CA10: variants seen among roughly 807,000 people sequenced by gnomAD.
CA10 encodes the protein carbonic anhydrase 10 (inactive), also known as carbonic anhydrase-related protein 10.
A neutral mutation model predicts 44.2 loss-of-function variants in CA10; 14 were observed. The ratio of observed to expected loss-of-function variants is 0.32; its 90% confidence interval spans 0.21 to 0.50. The LOEUF (loss-of-function observed/expected upper bound fraction) is 0.50. CA10 is among the 20% of genes least tolerant of loss of function. The pLI, the probability that CA10 is intolerant of heterozygous loss-of-function variation, is 0.99. For missense variants in CA10, 350 were observed against 409.7 expected, an observed-to-expected ratio of 0.85 and a Z score of 1.26; for synonymous variants, 159 against 141.6, an observed-to-expected ratio of 1.12 and a Z score of -0.87.
At chr17:51,953,532 C>T (rs541925849) in intron 2 of CA10, among the ~76,000 whole-genome samples, 4 of 151,460 alleles carry the variant, frequency 2.6e-5, no homozygotes, top group African/African-American at 7.3e-5. Context: ...AATTGCAATA[C>T]GTTTGTAGAT....
chr17:51,650,151 C>T (rs886756693), intron 5 of CA10, among the ~76,000 whole-genome samples: 1 of 152,142 alleles, frequency 6.6e-6, no homozygotes, highest in African/African-American at 2.4e-5. Flanking sequence ...TTTCCAGGGG[C>T]TTCAGCAGGG....
At chr17:51,916,320 A>G (rs1057101402) in intron 3 of CA10, among the ~76,000 whole-genome samples, 4 of 152,190 alleles carry the variant, frequency 2.6e-5, no homozygotes, top group Admixed American at 1.3e-4. Flanking sequence ...GTGCCACTAG[A>G]AGGACTATGG....
At chr17:51,793,208 G>A (rs1201013637) in intron 3 of CA10, among the ~76,000 whole-genome samples, 2 of 152,164 alleles carry the variant, frequency 1.3e-5, no homozygotes, top group South Asian at 4.1e-4. Context: ...GGGGTGGAGG[G>A]GAATGGGGAG....
intron 2 of CA10, among the ~76,000 whole-genome samples, chr17:51,959,242 A>C: frequency 6.8e-6 from 1 of 147,792 alleles, no homozygotes; most frequent in Admixed American, 6.8e-5. Context: ...GAGAAACTGG[A>C]AAACTAGGTT....
rs550541764 is a variant in CA10, at chr17:51,947,107, G to A, written c.137-15975C>T. ...AGAAATGACAGACCTTTTTCTACTT[G>A]GCCTTTATAATGTAATTATTTAAGT... is the stretch of plus-strand genomic sequence containing the variant. On this transcript the variant is annotated intron_variant, in intron 2 of 8. Transcript: ENST00000451037. Among the ~76,000 whole-genome samples the A allele has an allele frequency of 4.0e-5, 6 of 151,308 alleles. No homozygotes were observed. In the East Asian group the frequency reaches 9.8e-4, roughly 25 times the overall value.
intron 2 of CA10, among the ~76,000 whole-genome samples, chr17:52,003,414 A>G (rs1384023163): frequency 1.3e-5 from 2 of 151,906 alleles, no homozygotes; most frequent in Non-Finnish European, 2.9e-5. Flanking sequence ...TTGCATATGT[A>G]TTTCTTTTAT....
At chr17:51,683,125 G>A (rs1359611484) in intron 4 of CA10, among the ~76,000 whole-genome samples, 1 of 152,198 alleles carries the variant, frequency 6.6e-6, no homozygotes, top group East Asian at 1.9e-4. Flanking sequence ...TATGGATGTG[G>A]AAAGTAGCTT....
intron 2 of CA10, among the ~76,000 whole-genome samples, chr17:51,953,922 G>T (rs1245704364): frequency 6.6e-6 from 1 of 152,118 alleles, no homozygotes; most frequent in South Asian, 2.1e-4. Context: ...CAATTGCTCA[G>T]TGCTCCAAGA....
intron 8 of CA10, 30 bp from the exon 9 acceptor site, chr17:51,631,636 C>T (rs1912584562): frequency 6.3e-7 from 1 of 1,582,336 alleles, no homozygotes; most frequent in South Asian, 1.1e-5. Flanking sequence ...AAAAAAAAAT[C>T]ACACATACAA....
intron 4 of CA10, among the ~76,000 whole-genome samples, chr17:51,676,048 A>G (rs561387853): frequency 4.6e-5 from 7 of 152,332 alleles, no homozygotes; most frequent in African/African-American, 1.4e-4. Context: ...TCTTGGCACA[A>G]ATAAGATTGG....
chr17:51,946,470 C>T (rs1175629480), intron 2 of CA10, among the ~76,000 whole-genome samples: 1 of 152,148 alleles, frequency 6.6e-6, no homozygotes, highest in Non-Finnish European at 1.5e-5. Flanking sequence ...CTGGCTTTGA[C>T]TGCCCTTTGC....
At chr17:51,820,419 G>A (rs71371335) in intron 3 of CA10, among the ~76,000 whole-genome samples, 61 of 23,476 alleles carry the variant, frequency 2.6e-3, no homozygotes, top group African/African-American at 0.013. Context: ...CCCCCCCCCC[G>A]CCCGCCGATT....
At chr17:52,110,651 G>C (rs549942873) in intron 1 of CA10, among the ~76,000 whole-genome samples, 1 of 152,312 alleles carries the variant, frequency 6.6e-6, no homozygotes, top group Non-Finnish European at 1.5e-5. Flanking sequence ...CTGAACTCTA[G>C]CTTCAGCCTG....
intron 1 of CA10, among the ~76,000 whole-genome samples, chr17:52,094,260 C>A (rs895870167): frequency 6.7e-6 from 1 of 150,004 alleles, no homozygotes; most frequent in South Asian, 2.1e-4. Context: ...GCACATTCTG[C>A]ACATGTAACC....
chr17:51,908,795 C>T (rs894472592), intron 3 of CA10, among the ~76,000 whole-genome samples: 4 of 152,150 alleles, frequency 2.6e-5, no homozygotes, highest in Non-Finnish European at 4.4e-5. Flanking sequence ...AAACCCAGAG[C>T]GTCACCACTT....
chr17:51,734,117 C>T (rs1916814321), intron 4 of CA10, among the ~76,000 whole-genome samples: 1 of 150,406 alleles, frequency 6.6e-6, no homozygotes, highest in South Asian at 2.1e-4. Flanking sequence ...TCTTAATTTC[C>T]CAAGATTTTA....
chr17:52,040,104 TC>T, intron 2 of CA10, among the ~76,000 whole-genome samples: 1 of 151,574 alleles, frequency 6.6e-6, no homozygotes, highest in Admixed American at 6.6e-5. Flanking sequence ...TAACAAATAT[TC>T]TTTATAAAAT....
At chr17:51,932,952 A>G (rs1210161882) in intron 2 of CA10, among the ~76,000 whole-genome samples, 1 of 152,122 alleles carries the variant, frequency 6.6e-6, no homozygotes, top group Non-Finnish European at 1.5e-5. Flanking sequence ...TTTATCCCTC[A>G]ATCATCTCAA....
intron 1 of CA10, among the ~76,000 whole-genome samples, chr17:52,130,365 C>T (rs1488484720): frequency 3.9e-5 from 6 of 152,166 alleles, no homozygotes; most frequent in Non-Finnish European, 7.3e-5. Flanking sequence ...ATGTTTACTG[C>T]AGCACTGTTC....
Sources: gnomAD v4.1 joint callset for allele counts (sites outside exome capture counted in the v4.1 genomes callset) on GRCh38, gnomAD v4.1.1 for gene constraint, MANE v1.5 for transcripts, NCBI Gene and HGNC (gene_info 2026-07-23, HGNC 2026-07-21) for gene names.